CMSS1: variants seen among roughly 807,000 people sequenced by gnomAD.
CMSS1 encodes the protein cms1 ribosomal small subunit homolog.
Under a neutral mutation model 43.5 loss-of-function variants are expected in CMSS1, and 33 were observed. The ratio of observed to expected loss-of-function variants is 0.76; its 90% CI spans 0.57 to 1.01. CMSS1 has a LOEUF of 1.01. Among genes scored for constraint, CMSS1 ranks in the 50% least tolerant of loss-of-function variants. The pLI, the probability that CMSS1 is intolerant of heterozygous loss-of-function variation, is 0.00. For synonymous variants in CMSS1, 115 were observed against 117.2 expected (o/e 0.98, Z 0.12); for missense variants, 313 against 326.4 (o/e 0.96, Z 0.32).
intron 1 of CMSS1, among the ~76,000 whole-genome samples, chr3:100,113,647 T>C (rs900103295): frequency 6.6e-6 from 1 of 152,190 alleles, no homozygotes; most frequent in Non-Finnish European, 1.5e-5. Flanking sequence ...TTTCAACACA[T>C]TGTGATGATT....
chr3:99,842,106 G>A (rs748515503), intron 1 of CMSS1, among the ~76,000 whole-genome samples: 4 of 152,084 alleles, frequency 2.6e-5, no homozygotes, highest in Admixed American at 6.5e-5. Flanking sequence ...GTCAATGAGC[G>A]GATAAAGAAA....
intron 1 of CMSS1, among the ~76,000 whole-genome samples, chr3:99,965,092 T>TTC (rs1708609720): frequency 6.6e-6 from 1 of 152,240 alleles, no homozygotes; most frequent in African/African-American, 2.4e-5. Context: ...TTTCTAGTAA[T>TTC]TACCTTGAAA....
In CMSS1 at chr3:100,179,316, T is replaced by G. The variant is rs1196990333; in HGVS notation, c.*928T>G. On this transcript the variant is annotated 3_prime_UTR_variant, in exon 10 of 10. Transcript: ENST00000421999. ...ACAGTCCCCCAAAGTCTTAACTCAT[T>G]CCAGCATTAACTGAAAAGTCCAACT... The G allele has an allele frequency of 2.6e-5, 4 of 152,168 alleles. No homozygotes were observed. Among genetic ancestry groups the G allele is most frequent in the Non-Finnish European group, 5.9e-5 (4 of 68,034 alleles). The allele number at this position is 152,168 out of a possible 1,614,324, so 9.4% of individuals were successfully genotyped here. A position where few individuals can be genotyped will look rare whatever the true frequency, so the allele number is the denominator to read the frequency against.
At chr3:99,998,607 T>G (rs180944550) in intron 1 of CMSS1, among the ~76,000 whole-genome samples, 10 of 152,266 alleles carry the variant, frequency 6.6e-5, no homozygotes, top group Non-Finnish European at 1.0e-4. Context: ...CCAGCACCCA[T>G]GCTGGAGTGC....
At chr3:100,174,112 A>C (rs111966978) in intron 8 of CMSS1, among the ~76,000 whole-genome samples, 2 of 152,210 alleles carry the variant, frequency 1.3e-5, no homozygotes, top group Non-Finnish European at 2.9e-5. Flanking sequence ...ATTTGAGGAA[A>C]GTCCTTGAAC....
chr3:99,965,475 G>C (rs536625535), intron 1 of CMSS1, among the ~76,000 whole-genome samples: 1 of 152,306 alleles, frequency 6.6e-6, no homozygotes, highest in East Asian at 1.9e-4. Context: ...TTGGAATTGA[G>C]ATAAATGTTA....
At chr3:99,837,919 A>G (rs1220127771) in intron 1 of CMSS1, among the ~76,000 whole-genome samples, 2 of 152,184 alleles carry the variant, frequency 1.3e-5, no homozygotes, top group Non-Finnish European at 2.9e-5. Flanking sequence ...GTCTTGGGTC[A>G]TTATCATAAC....
At chr3:99,843,162 GTTCA>G (rs1943208774) in intron 1 of CMSS1, among the ~76,000 whole-genome samples, 1 of 152,134 alleles carries the variant, frequency 6.6e-6, no homozygotes. Flanking sequence ...CTTTGTTTTG[GTTCA>G]TCTAACTGCC....
At position 100,107,879 on chromosome 3, in the gene CMSS1, A is replaced by T. The variant is rs1160960810; in HGVS notation, c.65-39094A>T. On this transcript the variant is annotated intron_variant, in intron 1 of 9. Transcript: ENST00000421999. The stretch of plus-strand genomic sequence containing the variant: ...ATGGTAGAAGAGAGCAAGAGAATTA[A>T]AAAAAAAAAAAAAAAAGTTACTTGC... Among the ~76,000 whole-genome samples the T allele has an allele frequency of 1.9e-4, 17 of 91,824 alleles. No homozygotes were observed. The East Asian group carries it at 3.5e-3, about 19-fold the overall frequency. 60.2% of individuals were successfully genotyped at this position (91,824 alleles called of 152,430 possible). A position where few individuals can be genotyped will look rare whatever the true frequency, so the allele number is the denominator to read the frequency against.
intron 1 of CMSS1, among the ~76,000 whole-genome samples, chr3:99,972,398 T>C (rs192142039): frequency 2.6e-5 from 4 of 152,324 alleles, no homozygotes; most frequent in Admixed American, 2.0e-4. Context: ...TCATAAACCG[T>C]GAGAAGCCTC....
chr3:100,107,320 GA>G (rs760888125), intron 1 of CMSS1, among the ~76,000 whole-genome samples: 5 of 152,126 alleles, frequency 3.3e-5, no homozygotes, highest in Non-Finnish European at 7.4e-5. Context: ...TGCCATCTGG[GA>G]AAATGACAAA....
chr3:99,819,457 A>G (rs1477618390), intron 1 of CMSS1, among the ~76,000 whole-genome samples: 1 of 152,224 alleles, frequency 6.6e-6, no homozygotes, highest in East Asian at 1.9e-4. Context: ...TGTATTGAGT[A>G]TCTATTATGT....
At chr3:99,980,218 A>G (rs1013282119) in intron 1 of CMSS1, among the ~76,000 whole-genome samples, 7 of 152,174 alleles carry the variant, frequency 4.6e-5, no homozygotes, top group African/African-American at 1.7e-4. Context: ...TTAAGAGTCT[A>G]GGAGCTGGTG....
At chr3:100,058,372 G>T (rs1559742655) in intron 1 of CMSS1, among the ~76,000 whole-genome samples, 2 of 152,186 alleles carry the variant, frequency 1.3e-5, no homozygotes, top group Non-Finnish European at 2.9e-5. Context: ...ATTTTCCATT[G>T]TCATTCTTTG....
chr3:99,817,911 AG>A lies in CMSS1; in HGVS notation c.-68del. The A allele has an allele frequency of 1.3e-6, 2 of 1,543,742 alleles. No individual in the cohort carries two copies. Among genetic ancestry groups the A allele is most frequent in the South Asian group, 1.1e-5 (1 of 88,966 alleles). ...TAGCTACGCCGGCCGCCTGGCTTTG[AG>A]ACAACGTGATTCTCCGCAGCTGGTC... On this transcript the variant is annotated 5_prime_UTR_variant, in exon 1 of 10. Transcript: ENST00000421999.
chr3:100,082,111 T>A (rs182021796), intron 1 of CMSS1, among the ~76,000 whole-genome samples: 3 of 152,278 alleles, frequency 2.0e-5, no homozygotes, highest in East Asian at 3.9e-4. Flanking sequence ...TTTAGTTCAG[T>A]TCAGTCTTTA....
chr3:100,062,818 C>T (rs2065597217), intron 1 of CMSS1, among the ~76,000 whole-genome samples: 1 of 152,348 alleles, frequency 6.6e-6, no homozygotes, highest in African/African-American at 2.4e-5. Flanking sequence ...AGCCTCCTCC[C>T]CTCCAGCCTG....
intron 1 of CMSS1, among the ~76,000 whole-genome samples, chr3:100,061,835 ATTCCAG>A: frequency 6.6e-6 from 1 of 152,346 alleles, no homozygotes; most frequent in South Asian, 2.1e-4. Context: ...AAGAAGACTG[ATTCCAG>A]AGACTTCACT....
intron 1 of CMSS1, among the ~76,000 whole-genome samples, chr3:100,093,329 CAGA>C (rs745541351): frequency 7.9e-5 from 12 of 151,860 alleles, no homozygotes; most frequent in Admixed American, 2.0e-4. Context: ...TCAGATAATC[CAGA>C]AGGAGAAAAT....
Sources: allele counts gnomAD v4.1 joint callset (sites outside exome capture counted in the v4.1 genomes callset), GRCh38; gene constraint gnomAD v4.1.1; transcripts MANE v1.5; gene names NCBI Gene and HGNC (gene_info 2026-07-23, HGNC 2026-07-21).